The following CDH8 variants were observed in gnomAD, a reference collection of about 807,000 sequenced individuals.
The protein encoded by CDH8 is cadherin 8.
Under a neutral mutation model 68.1 loss-of-function variants are expected in CDH8, and 17 were observed. The ratio of observed to expected loss-of-function variants is 0.25; its 90% CI spans 0.17 to 0.37. The LOEUF (loss-of-function observed/expected upper bound fraction) is 0.37, where lower values mean the gene tolerates loss of function less well. Among genes scored for constraint, CDH8 ranks in the 10% least tolerant of loss-of-function variants. The probability of loss-of-function intolerance (pLI) is 1.00; values close to 1 mark genes in which losing one functional copy is unlikely to be tolerated. For synonymous variants in CDH8, 372 were observed against 365.1 expected (o/e 1.02, Z -0.21); for missense variants, 763 against 999.3 (o/e 0.76, Z 3.19).
At chr16:61,956,893 C>T (rs1964997512) in intron 2 of CDH8, among the ~76,000 whole-genome samples, 1 of 152,192 alleles carries the variant, frequency 6.6e-6, no homozygotes, top group East Asian at 1.9e-4. Flanking sequence ...AACCCACTTT[C>T]ATCCTCCTTG....
intron 8 of CDH8, among the ~76,000 whole-genome samples, chr16:61,736,112 A>AAAGAAAGAAAGAAAGAAAGGAAGG (rs776989465): frequency 1.8e-4 from 21 of 116,528 alleles, no homozygotes; most frequent in African/African-American, 7.7e-4. Flanking sequence ...AGAAAGAAAG[A>AAAGAAAGAAAGAAAGAAAGGAAGG]AAGGAAGGAA....
At chr16:61,870,780 G>A (rs1177387164) in intron 3 of CDH8, among the ~76,000 whole-genome samples, 1 of 152,104 alleles carries the variant, frequency 6.6e-6, no homozygotes, top group African/African-American at 2.4e-5. Flanking sequence ...TAAATTTCAA[G>A]AGTGTGCCAC....
chr16:61,820,009 A>G (rs1962172069), intron 6 of CDH8, among the ~76,000 whole-genome samples: 1 of 152,136 alleles, frequency 6.6e-6, no homozygotes, highest in African/African-American at 2.4e-5. Context: ...TTATGAGTGT[A>G]GGTATTATGA....
intron 10 of CDH8, among the ~76,000 whole-genome samples, chr16:61,682,194 C>T (rs1964025860): frequency 6.6e-6 from 1 of 151,814 alleles, no homozygotes; most frequent in African/African-American, 2.4e-5. Flanking sequence ...TATAATAAGT[C>T]ATTGAAGATT....
chr16:61,681,159 C>T (rs1462397217), intron 10 of CDH8, among the ~76,000 whole-genome samples: 1 of 151,772 alleles, frequency 6.6e-6, no homozygotes, highest in East Asian at 1.9e-4. Context: ...TATGACCCAG[C>T]CATTTCACTC....
chr16:61,666,205 T>C (rs916670530), intron 10 of CDH8, among the ~76,000 whole-genome samples: 1 of 147,628 alleles, frequency 6.8e-6, no homozygotes, highest in Non-Finnish European at 1.5e-5. Flanking sequence ...TGTGTGTGTG[T>C]GTATATATAT....
chr16:61,803,632 G>C (rs57039523), intron 7 of CDH8, among the ~76,000 whole-genome samples: 52,641 of 150,232 alleles, frequency 0.35, 9,550 homozygotes, highest in Middle Eastern at 0.44. Context: ...ATCTACCAAG[G>C]AAATGGAAAA....
rs542032004 is a variant in CDH8, at chr16:61,958,067, TAAAAG to T, written c.253-56599_253-56595del. On this transcript the variant is annotated intron_variant, in intron 2 of 11. Coordinates refer to ENST00000577390, the MANE Select transcript of CDH8 (RefSeq NM_001796.5). ...AGGGACTGAATAGAGTATGTGGAAATAAAAGAGTTTTTGCCCTCAAAAAGCTATAT... is the reference window on the plus strand; with the variant it reads ...AGGGACTGAATAGAGTATGTGGAAATAGTTTTTGCCCTCAAAAAGCTATAT... 3.5e-3 allele frequency among the ~76,000 whole-genome samples: 529 copies of T among 152,248 alleles called. 4 individuals carry two copies. Among genetic ancestry groups the T allele is most frequent in the African/African-American group, 0.012 (512 of 41,538 alleles).
At chr16:61,819,757 C>T (rs963936250) in intron 6 of CDH8, among the ~76,000 whole-genome samples, 1 of 151,948 alleles carries the variant, frequency 6.6e-6, no homozygotes, top group East Asian at 1.9e-4. Flanking sequence ...CAGATATGAC[C>T]TTACAGTCAT....
intron 2 of CDH8, among the ~76,000 whole-genome samples, chr16:61,905,586 C>T (rs777874479): frequency 9.2e-5 from 14 of 152,084 alleles, no homozygotes; most frequent in East Asian, 3.9e-4. Flanking sequence ...GAGATTTTCA[C>T]GGAACTTTCC....
At chr16:61,915,985 A>G (rs1338242281) in intron 2 of CDH8, among the ~76,000 whole-genome samples, 1 of 152,216 alleles carries the variant, frequency 6.6e-6, no homozygotes, top group African/African-American at 2.4e-5. Flanking sequence ...CAGTGATCAT[A>G]TATTAATACC....
chr16:62,001,421 A>G (rs1965893134), intron 2 of CDH8, among the ~76,000 whole-genome samples: 1 of 152,168 alleles, frequency 6.6e-6, no homozygotes, highest in South Asian at 2.1e-4. Flanking sequence ...CCTTCAGTAC[A>G]ATAAGGGTGT....
At chr16:61,689,340 G>A (rs1333443923) in intron 10 of CDH8, among the ~76,000 whole-genome samples, 2 of 151,908 alleles carry the variant, frequency 1.3e-5, no homozygotes, top group Non-Finnish European at 2.9e-5. Flanking sequence ...TCTTTTGTAG[G>A]GTTGTCATAG....
rs572052122 is a variant in CDH8, at chr16:61,969,455, G to C, written c.252+51697C>G. Reference sequence around the variant, plus strand: ...GACAGAATATCCAGAGTGCAGAGAAGCCCTACATGGGCTTATCTATGGAAT... The same window carrying C: ...GACAGAATATCCAGAGTGCAGAGAACCCCTACATGGGCTTATCTATGGAAT... On this transcript the variant is annotated intron_variant, in intron 2 of 11. Transcript: ENST00000577390. 2.6e-5 allele frequency among the ~76,000 whole-genome samples: 4 copies of C among 152,280 alleles called. No homozygotes were observed. In the South Asian group the frequency reaches 6.2e-4, roughly 24 times the overall value.
Position 62,021,364 on chromosome 16 carries a change from T to C in CDH8, c.40A>G (p.Thr14Ala). ...GTAATCCATAATATTATTAATGGAG[T>C]CCAGAGATCCAAGAGCATTTCCGCT... is the stretch of plus-strand genomic sequence containing the variant. ...RLAEMLLDLWTPLIILWITLP... is the reference protein window; with the variant it reads ...RLAEMLLDLWAPLIILWITLP... Residue 14 changes from threonine (T) to alanine (A), a missense_variant, in exon 2 of 12, where the codon ACT becomes GCT. Thr to Ala is a moderately conservative substitution (Grantham distance 58). This residue lies in a region of CDH8 where 366 missense variants were observed against 563.1 expected (regional missense o/e 0.65). Transcript: ENST00000577390. 6.2e-7 allele frequency: 1 copy of C among 1,613,072 alleles called. No individual in the cohort carries two copies. The highest frequency in any genetic ancestry group is 8.5e-7 in the Non-Finnish European group (1 of 1,179,298).
chr16:61,793,222 T>C (rs1163647329), intron 7 of CDH8, among the ~76,000 whole-genome samples: 2 of 151,930 alleles, frequency 1.3e-5, no homozygotes, highest in African/African-American at 4.8e-5. Context: ...TTCCCAACTT[T>C]CAGAATTTCG....
At chr16:62,029,322 A>G (rs1028586310) in intron 1 of CDH8, among the ~76,000 whole-genome samples, 9 of 152,224 alleles carry the variant, frequency 5.9e-5, no homozygotes, top group Non-Finnish European at 1.5e-5. Flanking sequence ...TTCAGTGGGG[A>G]AAATTCCAAT....
intron 5 of CDH8, among the ~76,000 whole-genome samples, chr16:61,822,205 C>CCTTTTTTTTTTT (rs1962230457): frequency 2.2e-5 from 1 of 45,630 alleles, no homozygotes; most frequent in African/African-American, 1.1e-4. Flanking sequence ...AAAAACGCAC[C>CCTTTTTTTTTTT]TTTTTTTTTT....
chr16:61,927,619 C>T (rs1964475212), intron 2 of CDH8, among the ~76,000 whole-genome samples: 1 of 152,138 alleles, frequency 6.6e-6, no homozygotes. Flanking sequence ...CAAAACTAGG[C>T]TTTCTGTGTT....
Sources: allele counts gnomAD v4.1 joint callset (sites outside exome capture counted in the v4.1 genomes callset), GRCh38; gene constraint gnomAD v4.1.1; regional missense constraint gnomAD v4.1.1; transcripts MANE v1.5; gene names NCBI Gene and HGNC (gene_info 2026-07-23, HGNC 2026-07-21).